B4GALT1: variants seen among roughly 807,000 people sequenced by gnomAD.
The protein encoded by B4GALT1 is N-acetyllactosamine synthase.
A neutral mutation model predicts 34.9 loss-of-function variants in B4GALT1; 16 were observed. The ratio of observed to expected loss-of-function variants is 0.46; its 90% CI spans 0.31 to 0.70. B4GALT1 has a LOEUF of 0.70. Among genes scored for constraint, B4GALT1 ranks in the 30% least tolerant of loss-of-function variants. The probability of loss-of-function intolerance (pLI) is 0.05; values close to 1 mark genes in which losing one functional copy is unlikely to be tolerated. For synonymous variants in B4GALT1, 221 were observed against 218.1 expected (o/e 1.01, Z -0.12); for missense variants, 445 against 530.5 (o/e 0.84, Z 1.58).
At chr9:33,140,012 TTGCA>T (rs1348023639) in intron 1 of B4GALT1, among the ~76,000 whole-genome samples, 1 of 152,252 alleles carries the variant, frequency 6.6e-6, no homozygotes, top group Non-Finnish European at 1.5e-5. Context: ...GGTCATGGCC[TTGCA>T]TGTAAGTCGC....
At chr9:33,179,477 G>T in the B4GALT1 span, 1 of 152,220 alleles carries the variant, frequency 6.6e-6, no homozygotes, top group African/African-American at 2.4e-5. Context: ...CACACCTCCA[G>T]TGACAGGGAG....
In B4GALT1 at chr9:33,111,742, G is replaced by A. The variant is rs1023730028; in HGVS notation, c.*1712C>T. Reference sequence around the variant, plus strand: ...TAGGCAGCTGAGTCTTGGAACCTGAGCCCAGGCTGGACCTGGCAAAGGCGC... The same window carrying A: ...TAGGCAGCTGAGTCTTGGAACCTGAACCCAGGCTGGACCTGGCAAAGGCGC... On this transcript the variant is annotated 3_prime_UTR_variant, in exon 6 of 6. Transcript: ENST00000379731. 1 of 152,622 alleles carries A rather than the reference G, an allele frequency of 6.6e-6. No homozygotes were observed. The highest frequency in any genetic ancestry group is 1.5e-5 in the Non-Finnish European group (1 of 68,096). 9.5% of individuals were successfully genotyped at this position (152,622 alleles called of 1,614,324 possible). A position where few individuals can be genotyped will look rare whatever the true frequency, so the allele number is the denominator to read the frequency against.
chr9:33,156,077 T>G (rs1247896819), intron 1 of B4GALT1, among the ~76,000 whole-genome samples: 2 of 150,576 alleles, frequency 1.3e-5, no homozygotes, highest in African/African-American at 4.9e-5. Flanking sequence ...GTGAAGGGAG[T>G]GGCTGTCACA....
intron 1 of B4GALT1, among the ~76,000 whole-genome samples, chr9:33,165,736 A>T (rs1840741472): frequency 6.6e-6 from 1 of 152,234 alleles, no homozygotes; most frequent in African/African-American, 2.4e-5. Flanking sequence ...CCTGTGTGGT[A>T]ACCCTGGAAG....
intron 2 of B4GALT1, among the ~76,000 whole-genome samples, chr9:33,124,130 T>C (rs1840060598): frequency 6.6e-6 from 1 of 152,126 alleles, no homozygotes; most frequent in Non-Finnish European, 1.5e-5. Flanking sequence ...GTCAAGCATT[T>C]TCTAGGCTGC....
At chr9:33,164,842 A>G (rs576533759) in intron 1 of B4GALT1, among the ~76,000 whole-genome samples, 1 of 152,260 alleles carries the variant, frequency 6.6e-6, no homozygotes, top group Non-Finnish European at 1.5e-5. Context: ...CTGGAGACTC[A>G]GTCTCTCTCC....
the B4GALT1 span, among the ~76,000 whole-genome samples, chr9:33,174,983 A>T: frequency 7.8e-5 from 3 of 38,580 alleles, no homozygotes; most frequent in Non-Finnish European, 1.1e-4. Context: ...AAAAAAAAAA[A>T]AAAAAAAATA....
At chr9:33,182,683 A>G in the B4GALT1 span, among the ~76,000 whole-genome samples, 4 of 152,182 alleles carry the variant, frequency 2.6e-5, no homozygotes, top group Admixed American at 6.5e-5. Flanking sequence ...TCCCCGCTAT[A>G]TTCATCCTCC....
At chr9:33,169,112 T>G (rs1441967353), upstream of B4GALT1, among the ~76,000 whole-genome samples, 2 of 152,252 alleles carry the variant, frequency 1.3e-5, no homozygotes, top group African/African-American at 2.4e-5. Context: ...ATATGGCAGC[T>G]ACTAATTGGT....
intron 1 of B4GALT1, among the ~76,000 whole-genome samples, chr9:33,152,682 T>C (rs1840539021): frequency 6.6e-6 from 1 of 152,050 alleles, no homozygotes; most frequent in Non-Finnish European, 1.5e-5. Context: ...GAAACCAGCC[T>C]GGCCAACATG....
chr9:33,154,371 A>C (rs1316672401), intron 1 of B4GALT1, among the ~76,000 whole-genome samples: 1 of 152,152 alleles, frequency 6.6e-6, no homozygotes, highest in Non-Finnish European at 1.5e-5. Context: ...CCTAGGAAAA[A>C]CCCACTGCTA....
chr9:33,105,277 T>C (rs1587722486), intron 2 of B4GALT1, among the ~76,000 whole-genome samples: 1 of 152,124 alleles, frequency 6.6e-6, no homozygotes, highest in Admixed American at 6.6e-5. Flanking sequence ...GTAGCTGGGA[T>C]TACAGGCATG....
At chr9:33,126,662 A>ATTGTTAACATTTTTAACTATTGTTAACC in intron 2 of B4GALT1, among the ~76,000 whole-genome samples, 1 of 45,224 alleles carries the variant, frequency 2.2e-5, no homozygotes, top group Non-Finnish European at 5.9e-5. Flanking sequence ...TAACCATAGC[A>ATTGTTAACATTTTTAACTATTGTTAACC]ATATGGTAGC....
intron 1 of B4GALT1, among the ~76,000 whole-genome samples, chr9:33,161,414 C>A (rs1057264900): frequency 6.6e-6 from 1 of 152,122 alleles, no homozygotes; most frequent in East Asian, 1.9e-4. Flanking sequence ...AGCTAGTGAC[C>A]GCCTCAGCTC....
At chr9:33,181,158 G>A in the B4GALT1 span, among the ~76,000 whole-genome samples, 14,578 of 152,112 alleles carry the variant, frequency 0.096, 1,285 homozygotes, top group African/African-American at 0.24. Flanking sequence ...AATGGCTCAC[G>A]CCTGTAATCT....
intron 1 of B4GALT1, among the ~76,000 whole-genome samples, chr9:33,136,089 C>A (rs1307378749): frequency 6.6e-6 from 1 of 151,422 alleles, no homozygotes; most frequent in African/African-American, 2.4e-5. Flanking sequence ...CCAAAGGAGA[C>A]CGAGGGAAAA....
At chr9:33,133,296 G>A (rs529762109) in intron 2 of B4GALT1, among the ~76,000 whole-genome samples, 152 of 152,342 alleles carry the variant, frequency 1.0e-3, no homozygotes, top group African/African-American at 3.6e-3. Flanking sequence ...CAGATGCCCT[G>A]CTGAATAAGA....
At position 33,126,450 on chromosome 9, in the gene B4GALT1, G is replaced by T. The variant is rs530794894; in HGVS notation, c.649-5844C>A. ...CTCTAGTTTTGCTTTTGTTGTTGTT[G>T]TTTTTTTGCAGGGGAGACAGGGTCT... On this transcript the variant is annotated intron_variant, in intron 2 of 5. Coordinates refer to ENST00000379731, the MANE Select transcript of B4GALT1 (RefSeq NM_001497.4). Among the ~76,000 whole-genome samples, 232 of 152,218 alleles carry T rather than the reference G, an allele frequency of 1.5e-3. 1 individual carries two copies. The highest frequency in any genetic ancestry group is 2.8e-3 in the Non-Finnish European group (191 of 67,992).
In B4GALT1 at chr9:33,135,177, C is replaced by T; in HGVS notation, c.648+12G>A. The T allele has an allele frequency of 1.2e-6, 2 of 1,610,740 alleles. No homozygotes were observed. The highest frequency in any genetic ancestry group is 1.7e-6 in the Non-Finnish European group (2 of 1,177,102). Reference sequence around the variant, plus strand: ...CACACACCCTCTCTCATTCCACCTTCCCAGGCCTCACCTGGTTGATAACAT... The same window carrying T: ...CACACACCCTCTCTCATTCCACCTTTCCAGGCCTCACCTGGTTGATAACAT... On this transcript the variant is annotated intron_variant, in intron 2 of 5. Transcript: ENST00000379731.
Sources: gnomAD v4.1 joint callset for allele counts (sites outside exome capture counted in the v4.1 genomes callset) on GRCh38, gnomAD v4.1.1 for gene constraint, MANE v1.5 for transcripts, NCBI Gene and HGNC (gene_info 2026-07-23, HGNC 2026-07-21) for gene names.